ZBTB7B: variants seen among roughly 807,000 people sequenced by gnomAD.
The protein encoded by ZBTB7B is zinc finger and BTB domain containing 7B, also known as zinc finger and BTB domain-containing protein 7B.
ZBTB7B carries 8 observed loss-of-function variants against 31.0 expected under a neutral mutation model. That is an observed-to-expected ratio of 0.26 (90% confidence interval 0.15 to 0.47). The LOEUF (loss-of-function observed/expected upper bound fraction) is 0.47, where lower values mean the gene tolerates loss of function less well. Ranked by LOEUF, ZBTB7B falls within the 20% of genes least tolerant of loss-of-function variation. The probability of loss-of-function intolerance (pLI) is 0.99; values close to 1 mark genes in which losing one functional copy is unlikely to be tolerated. For missense variants in ZBTB7B, 494 were observed against 742.4 expected (o/e 0.67, Z 3.89); for synonymous variants, 261 against 307.3 (o/e 0.85, Z 1.58).
At position 155,003,367 on chromosome 1, in the gene ZBTB7B, C is replaced by CA. The variant is rs1469019991; in HGVS notation, c.-7+425dup. Among the ~76,000 whole-genome samples the CA allele has an allele frequency of 1.4e-5, 2 of 148,020 alleles. No homozygotes were observed. Among genetic ancestry groups the CA allele is most frequent in the Non-Finnish European group, 3.0e-5 (2 of 66,260 alleles). On this transcript the variant is annotated intron_variant, in intron 1 of 2. Coordinates refer to ENST00000535420, the MANE Select transcript of ZBTB7B (RefSeq NM_001256455.2). This position sits in a 1 kb window ranked among gnomAD's most constrained non-coding sequence, Gnocchi z 5.8. ...ACTAGGACAACGCGCACCCCCCCCC[C>CA]ACCCCGCGCCCCCTGGCGCGGTGGA...
intron 1 of ZBTB7B, chr1:155,014,397 G>A (rs1571525700): frequency 3.9e-6 from 2 of 512,846 alleles, no homozygotes; most frequent in African/African-American, 3.8e-5. Flanking sequence ...CAAGGACCGG[G>A]CCCACTCCCT....
chr1:155,017,931 C>T lies in ZBTB7B; in HGVS notation c.*1246C>T, dbSNP rs1029113707. ...GGATTGAATCCACCCCCATTCTGTA[C>T]ATAGCCTCTTCTGTTGGTCTTGTTG... On this transcript the variant is annotated 3_prime_UTR_variant, in exon 3 of 3. Coordinates refer to ENST00000535420, the MANE Select transcript of ZBTB7B (RefSeq NM_001256455.2). 15 of 156,236 alleles carry T rather than the reference C, an allele frequency of 9.6e-5. No individual in the cohort carries two copies. In the East Asian group the frequency reaches 1.5e-3, roughly 16 times the overall value. 9.7% of individuals were successfully genotyped at this position (156,236 alleles called of 1,614,324 possible). A position where few individuals can be genotyped will look rare whatever the true frequency, so the allele number is the denominator to read the frequency against.
At chr1:155,008,852 C>T (rs1270787146) in intron 1 of ZBTB7B, among the ~76,000 whole-genome samples, 2 of 151,250 alleles carry the variant, frequency 1.3e-5, no homozygotes, top group African/African-American at 4.9e-5. Flanking sequence ...AGGTCGTGGG[C>T]GGCCCCTTTG....
rs148745415 is a variant in ZBTB7B at position 155,017,347 on chromosome 1, T to TGGGGGCAGTAGAGGGGTCAGTAGA, written c.*678_*679insTCAGTAGAGGGGGCAGTAGAGGGG. ...GTGGCCTGATTGGCTCGCCTGCCCC[T>TGGGGGCAGTAGAGGGGTCAGTAGA]GGGGGCAGTAGAGGGGCCCCGCCCA... On this transcript the variant is annotated 3_prime_UTR_variant, in exon 3 of 3. Coordinates refer to ENST00000535420, the MANE Select transcript of ZBTB7B (RefSeq NM_001256455.2). The TGGGGGCAGTAGAGGGGTCAGTAGA allele has an allele frequency of 6.6e-6, 1 of 151,160 alleles. No homozygotes were observed. Among genetic ancestry groups the TGGGGGCAGTAGAGGGGTCAGTAGA allele is most frequent in the Non-Finnish European group, 1.5e-5 (1 of 67,664 alleles). The allele number at this position is 151,160 out of a possible 1,614,324, so 9.4% of individuals were successfully genotyped here.
chr1:155,015,823 C>G lies in ZBTB7B; in HGVS notation c.1154+9C>G. The G allele has an allele frequency of 6.2e-7, 1 of 1,605,010 alleles. No individual in the cohort carries two copies. On this transcript the variant is annotated intron_variant, in intron 2 of 2. Transcript: ENST00000535420. ...GGTGTTCGATTCACCAGGTGAGCAG[C>G]AAGGGGGGAAGGGCCCGGCAGGGGC...
chr1:155,017,347 T>TGGGGTCAGTAGA lies in ZBTB7B; in HGVS notation c.*666_*667insTCAGTAGAGGGG, dbSNP rs1659505976. 6.6e-6 allele frequency: 1 copy of TGGGGTCAGTAGA among 151,160 alleles called. No homozygotes were observed. Among genetic ancestry groups the TGGGGTCAGTAGA allele is most frequent in the Non-Finnish European group, 1.5e-5 (1 of 67,664 alleles). The allele number at this position is 151,160 out of a possible 1,614,324, so 9.4% of individuals were successfully genotyped here. On this transcript the variant is annotated 3_prime_UTR_variant, in exon 3 of 3. Coordinates refer to ENST00000535420, the MANE Select transcript of ZBTB7B (RefSeq NM_001256455.2). ...GTGGCCTGATTGGCTCGCCTGCCCC[T>TGGGGTCAGTAGA]GGGGGCAGTAGAGGGGCCCCGCCCA...
rs916901424 is a variant in ZBTB7B, at chr1:155,015,006, G to A, written c.346G>A (p.Ala116Thr). ...AYTATLTTSSANMPAVLQAAR... is the reference protein window; with the variant it reads ...AYTATLTTSSTNMPAVLQAAR... ...TACAGCCACACTGACCACCAGCAGC[G>A]CCAACATGCCAGCTGTGCTCCAGGC... The change falls in exon 2 of 3, where the codon GCC (alanine) becomes ACC (threonine). Residue 116 changes from alanine to threonine, a missense_variant. Transcript: ENST00000535420. 5.0e-6 allele frequency: 8 copies of A among 1,613,766 alleles called. No individual in the cohort carries two copies. Among genetic ancestry groups the A allele is most frequent in the East Asian group, 2.2e-5 (1 of 44,892 alleles).
In ZBTB7B at chr1:155,018,516, A is replaced by G. The variant is rs1430939851; in HGVS notation, c.*1831A>G. ...CGACAGGAAGAAATAATAATAATTT[A>G]AGATTCACACTTGTGTCCACTTTTG... On this transcript the variant is annotated 3_prime_UTR_variant, in exon 3 of 3. Transcript: ENST00000535420. The G allele has an allele frequency of 1.3e-6, 2 of 1,596,164 alleles. No individual in the cohort carries two copies. Among genetic ancestry groups the G allele is most frequent in the Admixed American group, 3.4e-5 (2 of 59,324 alleles).
chr1:155,011,114 C>A, intron 1 of ZBTB7B: 1 of 1,112,132 alleles, frequency 9.0e-7, no homozygotes, highest in Non-Finnish European at 1.3e-6. Context: ...GCCTGCTGCC[C>A]CCCACACTAA....
intron 1 of ZBTB7B, among the ~76,000 whole-genome samples, chr1:155,006,206 A>G (rs1441972270): frequency 6.6e-6 from 1 of 152,178 alleles, no homozygotes; most frequent in Non-Finnish European, 1.5e-5. Context: ...CAAATTCCCC[A>G]GGGAGACCAG....
At position 155,017,417 on chromosome 1, in the gene ZBTB7B, C is replaced by A. The variant is rs1343474629; in HGVS notation, c.*732C>A. ...TCCACTCCCCTCCCTAGCCCTCCCT[C>A]CCCACGGCCCTGGGCAGGGAATGTC... On this transcript the variant is annotated 3_prime_UTR_variant, in exon 3 of 3. Transcript: ENST00000535420. 6.6e-6 allele frequency: 1 copy of A among 152,366 alleles called. No homozygotes were observed. Among genetic ancestry groups the A allele is most frequent in the South Asian group, 2.1e-4 (1 of 4,842 alleles). 9.4% of individuals were successfully genotyped at this position (152,366 alleles called of 1,614,324 possible).
chr1:155,016,641 G>T lies in ZBTB7B; in HGVS notation c.1576G>T (p.Ala526Ser). 1.2e-6 allele frequency: 2 copies of T among 1,600,044 alleles called. No individual in the cohort carries two copies. The highest frequency in any genetic ancestry group is 1.7e-6 in the Non-Finnish European group (2 of 1,172,088). The change falls in exon 3 of 3, where the codon GCA (alanine) becomes TCA (serine). Residue 526 changes from alanine to serine, a missense_variant. By Grantham distance (99) the Ala-to-Ser change is moderately conservative. This residue lies in a region of ZBTB7B where 101 missense variants were observed against 119.5 expected (regional missense o/e 0.85). Coordinates refer to ENST00000535420, the MANE Select transcript of ZBTB7B (RefSeq NM_001256455.2). This position sits in a 1 kb window ranked among gnomAD's most constrained non-coding sequence, Gnocchi z 4.3. ...GPPDDDEEEG[A>S]PTTPQAEGAM... ...CCCTGATGACGATGAGGAGGAAGGG[G>T]CACCCACCACACCCCAGGCTGAAGG...
In ZBTB7B at chr1:155,015,247, C is replaced by G. The variant is rs570836508; in HGVS notation, c.587C>G (p.Pro196Arg). 5.0e-6 allele frequency: 8 copies of G among 1,613,730 alleles called. No individual in the cohort carries two copies. Among genetic ancestry groups the G allele is most frequent in the Non-Finnish European group, 6.8e-6 (8 of 1,179,986 alleles). Residue 196 changes from proline to arginine, a missense_variant, in exon 2 of 3, where the codon CCT becomes CGT. By Grantham distance (103) the Pro-to-Arg change is moderately radical. This residue lies in a region of ZBTB7B where 216 missense variants were observed against 229.3 expected (regional missense o/e 0.94). Coordinates refer to ENST00000535420, the MANE Select transcript of ZBTB7B (RefSeq NM_001256455.2). ...CCACCTCCGCCACCGCCACCTCGGC[C>G]TGTTGCCCGCCGCAGCCGCAAGCCC... The part of the protein sequence containing the change: ...LPPPPPPPPR[P>R]VARRSRKPRK...
chr1:155,016,992 A>C lies in ZBTB7B; in HGVS notation c.*307A>C. 1 of 281,822 alleles carries C rather than the reference A, an allele frequency of 3.5e-6. No homozygotes were observed. Among genetic ancestry groups the C allele is most frequent in the South Asian group, 1.0e-4 (1 of 9,560 alleles). The allele number at this position is 281,822 out of a possible 1,614,324, so 17.5% of individuals were successfully genotyped here. ...GAGTAGAAGCAATAATGTATTTCTA[A>C]TTTGTGGGTCCCACTTCGGCTATGC... On this transcript the variant is annotated 3_prime_UTR_variant, in exon 3 of 3. Coordinates refer to ENST00000535420, the MANE Select transcript of ZBTB7B (RefSeq NM_001256455.2). The surrounding 1 kb of genome is among the most constrained non-coding windows in gnomAD (Gnocchi z 4.3).
rs1336749983 is a variant in ZBTB7B, at chr1:155,004,086, C to G, written c.-7+1143C>G. Among the ~76,000 whole-genome samples the G allele has an allele frequency of 2.0e-5, 3 of 152,172 alleles. No individual in the cohort carries two copies. The highest frequency in any genetic ancestry group is 4.4e-5 in the Non-Finnish European group (3 of 68,012). The stretch of plus-strand genomic sequence containing the variant: ...CCCTGGGGGGCAGGGGGGCGGGGAG[C>G]CTGGGTCCGGAGCAGGGGAGGGGCA... On this transcript the variant is annotated intron_variant, in intron 1 of 2. Transcript: ENST00000535420. This position sits in a 1 kb window ranked among gnomAD's most constrained non-coding sequence, Gnocchi z 4.0.
Position 155,018,367 on chromosome 1 carries a change from G to T in ZBTB7B, c.*1682G>T. 1.5e-6 allele frequency: 1 copy of T among 648,956 alleles called. No homozygotes were observed. 40.2% of individuals were successfully genotyped at this position (648,956 alleles called of 1,614,324 possible). On this transcript the variant is annotated 3_prime_UTR_variant, in exon 3 of 3. Transcript: ENST00000535420. ...GAGACCTGGGGCCCAGCCCCAGAAA[G>T]TGGGGACAATGTGGCCTCCCTTCTC...
At chr1:155,013,573 C>G (rs1027020793) in intron 1 of ZBTB7B, among the ~76,000 whole-genome samples, 1 of 150,942 alleles carries the variant, frequency 6.6e-6, no homozygotes, top group African/African-American at 2.5e-5. Context: ...TGCTCTGCAC[C>G]CACCTCCTGG....
Position 155,016,086 on chromosome 1 carries a change from G to A in ZBTB7B, c.1155-134G>A, listed in dbSNP as rs1206168084. On this transcript the variant is annotated intron_variant, in intron 2 of 2. Coordinates refer to ENST00000535420, the MANE Select transcript of ZBTB7B (RefSeq NM_001256455.2). The surrounding 1 kb of genome is among the most constrained non-coding windows in gnomAD (Gnocchi z 4.3). ...AGTTAAGCTAGAGGTGAGCTAGCAG[G>A]GTATCTCCTGGGGCAATAGTGGGGT... 3 of 998,544 alleles carry A rather than the reference G, an allele frequency of 3.0e-6. No individual in the cohort carries two copies. The African/African-American group carries it at 4.9e-5, about 16-fold the overall frequency. The allele number at this position is 998,544 out of a possible 1,614,324, so 61.9% of individuals were successfully genotyped here.
chr1:155,014,590 G>A, intron 1 of ZBTB7B, 65 bp from the exon 2 acceptor site: 1 of 1,463,144 alleles, frequency 6.8e-7, no homozygotes, highest in Non-Finnish European at 9.3e-7. Flanking sequence ...GGCTAAAGTT[G>A]GTCCTCTTTC....
Sources: gnomAD v4.1 joint callset for allele counts (sites outside exome capture counted in the v4.1 genomes callset) on GRCh38, gnomAD v4.1.1 for gene constraint, gnomAD v4.1.1 regional missense constraint, Gnocchi (gnomAD v3.1) non-coding constraint, MANE v1.5 for transcripts, NCBI Gene and HGNC (gene_info 2026-07-23, HGNC 2026-07-21) for gene names.